Variants in PARD3B observed in about 807,000 individuals in gnomAD.
PARD3B encodes partitioning defective 3 homolog B.
In PARD3B, 103 loss-of-function variants were observed where a neutral mutation model predicts 130.2. That is an observed-to-expected ratio of 0.79 (90% confidence interval 0.67 to 0.93). PARD3B has a LOEUF of 0.93. Ranked by LOEUF, PARD3B falls within the 40% of genes least tolerant of loss-of-function variation. The pLI, the probability that PARD3B is intolerant of heterozygous loss-of-function variation, is 0.00. For missense variants in PARD3B, 1,609 were observed against 1,499.2 expected, an observed-to-expected ratio of 1.07 and a Z score of -1.21; for synonymous variants, 583 against 553.2, an observed-to-expected ratio of 1.05 and a Z score of -0.76.
chr2:204,652,808 A>G (rs2035524147), intron 1 of PARD3B, among the ~76,000 whole-genome samples: 1 of 147,408 alleles, frequency 6.8e-6, no homozygotes, highest in Non-Finnish European at 1.5e-5. Flanking sequence ...GACTCAGGGA[A>G]CTTACAACCA....
rs2054144697 is a variant in PARD3B at position 205,585,031 on chromosome 2, G to A, written c.3261-30425G>A. Among the ~76,000 whole-genome samples, 1 of 152,162 alleles carries A rather than the reference G, an allele frequency of 6.6e-6. No individual in the cohort carries two copies. Among genetic ancestry groups the A allele is most frequent in the Non-Finnish European group, 1.5e-5 (1 of 68,026 alleles). ...CCGTTTGACAGGCACCACTCATTGT[G>A]CACACCCGCTGATTATGGGCAGAAA... On this transcript the variant is annotated intron_variant, in intron 22 of 22. Transcript: ENST00000406610. This position sits in a 1 kb window ranked among gnomAD's most constrained non-coding sequence, Gnocchi z 5.4.
At chr2:204,935,438 C>T (rs1688371868) in intron 2 of PARD3B, among the ~76,000 whole-genome samples, 1 of 151,160 alleles carries the variant, frequency 6.6e-6, no homozygotes, top group African/African-American at 2.4e-5. Context: ...ACTCGGGAGG[C>T]TGAGGCAGGA....
intron 5 of PARD3B, among the ~76,000 whole-genome samples, chr2:205,108,412 G>A (rs1472834181): frequency 2.0e-5 from 3 of 152,100 alleles, no homozygotes; most frequent in Admixed American, 6.6e-5. Flanking sequence ...TTGATCTCAA[G>A]CTAATGGTTT....
At chr2:204,826,572 T>C (rs1246527740) in intron 2 of PARD3B, among the ~76,000 whole-genome samples, 1 of 152,198 alleles carries the variant, frequency 6.6e-6, no homozygotes, top group African/African-American at 2.4e-5. Flanking sequence ...TGTTAAAAAG[T>C]TACTTATGAT....
intron 20 of PARD3B, among the ~76,000 whole-genome samples, chr2:205,481,408 G>A (rs1013044036): frequency 4.6e-5 from 7 of 152,110 alleles, no homozygotes; most frequent in Non-Finnish European, 1.0e-4. Flanking sequence ...GAGCAGAGTT[G>A]CATCTTTGGA....
At chr2:204,922,400 A>G (rs916137187) in intron 2 of PARD3B, among the ~76,000 whole-genome samples, 1 of 152,166 alleles carries the variant, frequency 6.6e-6, no homozygotes, top group Non-Finnish European at 1.5e-5. Flanking sequence ...AGTCAACACT[A>G]TCACATATGG....
chr2:205,067,770 C>T (rs1034561518), intron 4 of PARD3B, among the ~76,000 whole-genome samples: 1 of 152,048 alleles, frequency 6.6e-6, no homozygotes, highest in Non-Finnish European at 1.5e-5. Flanking sequence ...TTAGATGATG[C>T]TATTTTTTCT....
intron 21 of PARD3B, among the ~76,000 whole-genome samples, chr2:205,514,124 C>T (rs988474691): frequency 6.6e-6 from 1 of 152,098 alleles, no homozygotes; most frequent in Non-Finnish European, 1.5e-5. Context: ...ATCACACTGT[C>T]CCAATTACCA....
At chr2:204,614,558 G>A (rs779969089) in intron 1 of PARD3B, among the ~76,000 whole-genome samples, 8 of 152,220 alleles carry the variant, frequency 5.3e-5, no homozygotes, top group Non-Finnish European at 8.8e-5. Context: ...CTCACTTCAT[G>A]TTAACACAGT....
At chr2:204,824,844 C>T (rs146011412) in intron 2 of PARD3B, among the ~76,000 whole-genome samples, 178 of 152,234 alleles carry the variant, frequency 1.2e-3, no homozygotes, top group African/African-American at 3.8e-3. Flanking sequence ...TAAATGAAGA[C>T]GCTGGCCCAC....
intron 22 of PARD3B, among the ~76,000 whole-genome samples, chr2:205,587,279 T>A (rs2054230203): frequency 6.6e-6 from 1 of 152,212 alleles, no homozygotes; most frequent in Non-Finnish European, 1.5e-5. Context: ...CACAATTATA[T>A]TTGCGGTGTA....
At chr2:205,159,344 A>G (rs1261195890) in intron 11 of PARD3B, among the ~76,000 whole-genome samples, 1 of 152,226 alleles carries the variant, frequency 6.6e-6, no homozygotes, top group Non-Finnish European at 1.5e-5. Context: ...AAGGCCATTT[A>G]TCACATTTTA....
chr2:204,924,674 A>G (rs930036882), intron 2 of PARD3B, among the ~76,000 whole-genome samples: 1 of 152,104 alleles, frequency 6.6e-6, no homozygotes, highest in Non-Finnish European at 1.5e-5. Flanking sequence ...TGAATATTAG[A>G]AAATGAAAAC....
chr2:205,113,425 T>TGTGTG, intron 5 of PARD3B, 66 bp from the exon 6 acceptor site: 4 of 1,049,590 alleles, frequency 3.8e-6, no homozygotes, highest in African/African-American at 1.6e-5. Flanking sequence ...TGTGTGTGTA[T>TGTGTG]TTTAGATGTG....
intron 10 of PARD3B, among the ~76,000 whole-genome samples, chr2:205,141,480 A>G (rs2032947657): frequency 6.6e-6 from 1 of 152,206 alleles, no homozygotes; most frequent in African/African-American, 2.4e-5. Flanking sequence ...GGTAGTTGCC[A>G]AATAGCACCA....
At chr2:204,701,138 T>C (rs903234568) in intron 2 of PARD3B, among the ~76,000 whole-genome samples, 5 of 152,164 alleles carry the variant, frequency 3.3e-5, no homozygotes, top group African/African-American at 1.2e-4. Flanking sequence ...CTTTGAAAGA[T>C]GATTTTCAAT....
intron 2 of PARD3B, among the ~76,000 whole-genome samples, chr2:204,755,461 A>G (rs1420806910): frequency 1.3e-5 from 2 of 152,128 alleles, no homozygotes; most frequent in Non-Finnish European, 2.9e-5. Flanking sequence ...AACCAACCCA[A>G]ACTCTTACGA....
At chr2:204,917,436 A>G (rs1211938441) in intron 2 of PARD3B, among the ~76,000 whole-genome samples, 1 of 152,182 alleles carries the variant, frequency 6.6e-6, no homozygotes, top group Non-Finnish European at 1.5e-5. Flanking sequence ...GAGGAGTGAG[A>G]GGACCAGAAC....
intron 2 of PARD3B, among the ~76,000 whole-genome samples, chr2:204,941,128 T>A (rs1256509462): frequency 1.3e-5 from 2 of 152,216 alleles, no homozygotes; most frequent in Non-Finnish European, 1.5e-5. Context: ...AAATATTTTT[T>A]AAAAACTTTG....
Sources: allele counts gnomAD v4.1 joint callset (sites outside exome capture counted in the v4.1 genomes callset), GRCh38; gene constraint gnomAD v4.1.1; non-coding constraint Gnocchi (gnomAD v3.1); transcripts MANE v1.5; gene names NCBI Gene and HGNC (gene_info 2026-07-23, HGNC 2026-07-21).